The following GPR19 variants were observed in gnomAD, a reference collection of about 807,000 sequenced individuals.
The protein encoded by GPR19 is probable G protein-coupled receptor 19.
GPR19 carries 14 observed loss-of-function variants against 28.5 expected under a neutral mutation model. The ratio of observed to expected loss-of-function variants is 0.49; its 90% CI spans 0.32 to 0.77. The LOEUF (loss-of-function observed/expected upper bound fraction) is 0.77. Ranked by LOEUF, GPR19 falls within the 30% of genes least tolerant of loss-of-function variation. The pLI is 0.03. For synonymous variants in GPR19, 173 were observed against 184.1 expected (o/e 0.94, Z 0.49); for missense variants, 409 against 504.1 (o/e 0.81, Z 1.81).
intron 3 of GPR19, among the ~76,000 whole-genome samples, chr12:12,676,754 C>G (rs1390949315): frequency 1.3e-5 from 2 of 152,202 alleles, no homozygotes; most frequent in Non-Finnish European, 2.9e-5. Flanking sequence ...CACGTTTCTT[C>G]CCAGTATGAG....
intron 3 of GPR19, among the ~76,000 whole-genome samples, chr12:12,668,682 A>AAG (rs1420932135): frequency 6.6e-6 from 1 of 151,848 alleles, no homozygotes; most frequent in African/African-American, 2.4e-5. Context: ...TTTGGTTGAA[A>AAG]AAAAAAAACA....
chr12:12,716,508 G>C, the GPR19 span, among the ~76,000 whole-genome samples: 13 of 152,254 alleles, frequency 8.5e-5, no homozygotes, highest in East Asian at 2.5e-3. Flanking sequence ...AACTGTGCTT[G>C]GGAAGGAAGA....
At chr12:12,711,976 C>T in the GPR19 span, among the ~76,000 whole-genome samples, 259 of 152,330 alleles carry the variant, frequency 1.7e-3, 1 homozygote, top group African/African-American at 6.0e-3. Flanking sequence ...CCGTGTCAGT[C>T]TCTCCAGGCT....
chr12:12,707,391 A>T, the GPR19 span, among the ~76,000 whole-genome samples: 1 of 152,268 alleles, frequency 6.6e-6, no homozygotes, highest in South Asian at 2.1e-4. Context: ...ACTTGAGTGT[A>T]AGTTCTGTTT....
At chr12:12,694,428 G>A (rs1200521330) in intron 2 of GPR19, among the ~76,000 whole-genome samples, 1 of 149,554 alleles carries the variant, frequency 6.7e-6, no homozygotes, top group Non-Finnish European at 1.5e-5. Context: ...GGATGGTCTC[G>A]ATCTCCTGAC....
At chr12:12,697,153 T>TA (rs386375639), upstream of GPR19, among the ~76,000 whole-genome samples, 287 of 48,840 alleles carry the variant, frequency 5.9e-3, 28 homozygotes, top group African/African-American at 0.014. Context: ...TGAAGCGAAG[T>TA]AAAAAAAAAA....
rs1050702425 is a variant in GPR19, at chr12:12,671,538, C to T, written c.-22-9068G>A. 2.6e-5 allele frequency among the ~76,000 whole-genome samples: 4 copies of T among 152,250 alleles called. No individual in the cohort carries two copies. The South Asian group carries it at 8.3e-4, about 32-fold the overall frequency. On this transcript the variant is annotated intron_variant, in intron 3 of 3. Transcript: ENST00000651487. ...AAACTGTTTCCTAACTGGCATCAAG[C>T]AGTTTCTCAAGCTCAGACTGGGTAT...
the GPR19 span, among the ~76,000 whole-genome samples, chr12:12,701,889 C>A: frequency 2.0e-5 from 3 of 147,566 alleles, no homozygotes; most frequent in African/African-American, 5.0e-5. Context: ...GCATTGCACT[C>A]CAGCCTGGTG....
chr12:12,675,938 G>C (rs1945923718), intron 3 of GPR19, among the ~76,000 whole-genome samples: 1 of 152,144 alleles, frequency 6.6e-6, no homozygotes, highest in Admixed American at 6.5e-5. Flanking sequence ...ACAGAACTGT[G>C]AGATAATAAA....
intron 3 of GPR19, among the ~76,000 whole-genome samples, chr12:12,676,688 C>G (rs1209544769): frequency 1.3e-5 from 2 of 152,208 alleles, no homozygotes; most frequent in East Asian, 3.8e-4. Flanking sequence ...TAATACCAAA[C>G]CTCTCAGAGA....
At chr12:12,714,653 A>G in the GPR19 span, among the ~76,000 whole-genome samples, 8 of 151,722 alleles carry the variant, frequency 5.3e-5, no homozygotes, top group South Asian at 1.3e-3. Flanking sequence ...GTCTTTTACC[A>G]GGGTCCACCT....
intron 3 of GPR19, among the ~76,000 whole-genome samples, chr12:12,671,870 T>C (rs1323480852): frequency 6.6e-6 from 1 of 152,236 alleles, no homozygotes; most frequent in Non-Finnish European, 1.5e-5. Flanking sequence ...GTACATTTTT[T>C]TCAGTTTTAT....
At chr12:12,667,264 A>C (rs556360253) in intron 3 of GPR19, among the ~76,000 whole-genome samples, 1 of 152,146 alleles carries the variant, frequency 6.6e-6, no homozygotes, top group South Asian at 2.1e-4. Flanking sequence ...TGAGGTATTG[A>C]AGGTCCTTAT....
intron 2 of GPR19, chr12:12,688,428 T>C (rs1376574226): frequency 1.3e-5 from 2 of 152,176 alleles, no homozygotes; most frequent in East Asian, 3.9e-4. Context: ...AAATCAAGAA[T>C]GCATAATATT....
the GPR19 span, among the ~76,000 whole-genome samples, chr12:12,702,628 T>C: frequency 6.6e-6 from 1 of 152,210 alleles, no homozygotes; most frequent in Admixed American, 6.5e-5. Flanking sequence ...TTCTCTATTT[T>C]AAACCAGTTT....
intron 2 of GPR19, among the ~76,000 whole-genome samples, chr12:12,685,265 CT>C (rs11412017): frequency 4.7e-4 from 66 of 139,940 alleles, no homozygotes; most frequent in Admixed American, 3.6e-4. Context: ...TAAATATGGT[CT>C]TTTTTTTTTT....
chr12:12,699,070 C>T (rs559753668), upstream of GPR19, among the ~76,000 whole-genome samples: 107 of 152,216 alleles, frequency 7.0e-4, no homozygotes, highest in African/African-American at 2.5e-3. Context: ...TGGCCAGGCA[C>T]AGTGGCTCAC....
chr12:12,683,735 C>T (rs948141564), intron 3 of GPR19, among the ~76,000 whole-genome samples: 2 of 152,238 alleles, frequency 1.3e-5, no homozygotes, highest in African/African-American at 2.4e-5. Context: ...TTTGAGTTCA[C>T]GGCTGATTAT....
intron 2 of GPR19, among the ~76,000 whole-genome samples, chr12:12,694,761 C>G (rs1946237929): frequency 6.6e-6 from 1 of 152,168 alleles, no homozygotes; most frequent in African/African-American, 2.4e-5. Context: ...ATTGTACACA[C>G]TTTATATGAC....
Sources: allele counts gnomAD v4.1 joint callset (sites outside exome capture counted in the v4.1 genomes callset), GRCh38; gene constraint gnomAD v4.1.1; transcripts MANE v1.5; gene names NCBI Gene and HGNC (gene_info 2026-07-23, HGNC 2026-07-21).